Variants in DIS3L2 observed in about 807,000 individuals in gnomAD.
The protein encoded by DIS3L2 is DIS3 like 3'-5' exoribonuclease 2.
Under a neutral mutation model 97.5 loss-of-function variants are expected in DIS3L2, and 34 were observed. The ratio of observed to expected loss-of-function variants is 0.35; its 90% confidence interval spans 0.27 to 0.46. The LOEUF is 0.46. DIS3L2 is among the 20% of genes least tolerant of loss of function. DIS3L2 has a pLI of 1.00. For missense variants in DIS3L2, 1,038 were observed against 1,146.0 expected, an observed-to-expected ratio of 0.91 and a Z score of 1.36; for synonymous variants, 435 against 445.2, an observed-to-expected ratio of 0.98 and a Z score of 0.29.
At chr2:232,303,659 A>G (rs550055755) in intron 14 of DIS3L2, among the ~76,000 whole-genome samples, 33 of 152,286 alleles carry the variant, frequency 2.2e-4, no homozygotes, top group Non-Finnish European at 4.6e-4. Flanking sequence ...CTTTCCTTTC[A>G]AATGGAATGG....
intron 10 of DIS3L2, among the ~76,000 whole-genome samples, chr2:232,221,697 A>G (rs1692512251): frequency 6.6e-6 from 1 of 152,006 alleles, no homozygotes; most frequent in South Asian, 2.1e-4. Context: ...GCTACTCAGG[A>G]GGCTGAGGTG....
At chr2:232,024,463 C>T (rs1426379572) in intron 4 of DIS3L2, 133 bp downstream of exon 4, 1 of 726,524 alleles carries the variant, frequency 1.4e-6, no homozygotes, top group East Asian at 3.0e-5. Flanking sequence ...AGATTTGTTT[C>T]AAATTTAAAT....
At chr2:232,161,779 A>G (rs974932235) in intron 8 of DIS3L2, among the ~76,000 whole-genome samples, 36 of 144,970 alleles carry the variant, frequency 2.5e-4, no homozygotes, top group Admixed American at 1.9e-3. Flanking sequence ...CCCCAGTTCA[A>G]TTTTTTTTTT....
At chr2:232,300,561 G>T (rs1694828040) in intron 14 of DIS3L2, among the ~76,000 whole-genome samples, 1 of 151,818 alleles carries the variant, frequency 6.6e-6, no homozygotes, top group Non-Finnish European at 1.5e-5. Flanking sequence ...AGATTTCCGG[G>T]TACTTACAGA....
At chr2:232,270,872 C>CTCTCTCTCTT (rs1224472015) in intron 13 of DIS3L2, among the ~76,000 whole-genome samples, 1,429 of 91,220 alleles carry the variant, frequency 0.016, 36 homozygotes, top group East Asian at 0.047. Context: ...CTCTCTCTCT[C>CTCTCTCTCTT]TCTCTCTCTC....
intron 14 of DIS3L2, among the ~76,000 whole-genome samples, chr2:232,318,128 A>ACAGAAGC (rs1559209908): frequency 6.6e-6 from 1 of 152,128 alleles, no homozygotes; most frequent in African/African-American, 2.4e-5. Context: ...CCAGGCCTCC[A>ACAGAAGC]CAGAGGCCAG....
chr2:231,975,080 A>G (rs1693042282), intron 1 of DIS3L2, among the ~76,000 whole-genome samples: 1 of 152,154 alleles, frequency 6.6e-6, no homozygotes, highest in Admixed American at 6.6e-5. Context: ...ACACTTTTGA[A>G]CGGCATTCAA....
chr2:232,110,825 A>C (rs1372119675), intron 6 of DIS3L2, among the ~76,000 whole-genome samples: 1 of 152,092 alleles, frequency 6.6e-6, no homozygotes, highest in African/African-American at 2.4e-5. Context: ...AACATGGCAC[A>C]TGTTTACCTG....
At chr2:232,079,492 T>G in intron 5 of DIS3L2, among the ~76,000 whole-genome samples, 1 of 144,370 alleles carries the variant, frequency 6.9e-6, no homozygotes, top group Non-Finnish European at 1.5e-5. Flanking sequence ...CCCAGCTACT[T>G]GGGAGGCTGA....
chr2:232,168,728 G>A (rs1690896323), intron 9 of DIS3L2, among the ~76,000 whole-genome samples: 1 of 152,154 alleles, frequency 6.6e-6, no homozygotes, highest in Non-Finnish European at 1.5e-5. Context: ...AATTCATGTA[G>A]TTATGTAGTG....
At chr2:232,189,580 G>C (rs1360788259) in intron 9 of DIS3L2, among the ~76,000 whole-genome samples, 1 of 152,220 alleles carries the variant, frequency 6.6e-6, no homozygotes, top group Non-Finnish European at 1.5e-5. Flanking sequence ...AAGATTGAGG[G>C]AGGCAGGACA....
chr2:231,976,812 G>A (rs1693110429), intron 1 of DIS3L2, among the ~76,000 whole-genome samples: 1 of 140,324 alleles, frequency 7.1e-6, no homozygotes, highest in African/African-American at 2.7e-5. Flanking sequence ...CTGTTGCCCA[G>A]GCTGGAGTAC....
intron 6 of DIS3L2, among the ~76,000 whole-genome samples, chr2:232,098,355 A>ATTT (rs371321680): frequency 3.8e-4 from 53 of 138,694 alleles, no homozygotes; most frequent in African/African-American, 1.1e-3. Flanking sequence ...GAGGTTTCTA[A>ATTT]TTTTTTTTTT....
intron 6 of DIS3L2, among the ~76,000 whole-genome samples, chr2:232,108,065 C>A (rs1307936379): frequency 2.6e-5 from 4 of 152,108 alleles, no homozygotes; most frequent in African/African-American, 7.2e-5. Flanking sequence ...CAAAACCTGG[C>A]AGAGTTAAAT....
At chr2:232,160,987 G>A (rs180913002) in intron 8 of DIS3L2, among the ~76,000 whole-genome samples, 73 of 152,066 alleles carry the variant, frequency 4.8e-4, no homozygotes, top group Admixed American at 2.6e-3. Flanking sequence ...GCGTGATCTC[G>A]GCTCACCGCA....
intron 12 of DIS3L2, among the ~76,000 whole-genome samples, chr2:232,259,438 TG>T (rs1400535213): frequency 2.0e-5 from 3 of 152,094 alleles, no homozygotes; most frequent in African/African-American, 7.2e-5. Context: ...GGATTCCAAG[TG>T]GCTCCTGGTC....
At chr2:232,104,473 A>G (rs934718213) in intron 6 of DIS3L2, among the ~76,000 whole-genome samples, 5 of 152,312 alleles carry the variant, frequency 3.3e-5, no homozygotes, top group Middle Eastern at 3.4e-3. Context: ...GTACAATTCA[A>G]TGTCATTAAT....
At chr2:232,324,780 G>A (rs910078090) in intron 14 of DIS3L2, among the ~76,000 whole-genome samples, 8 of 152,130 alleles carry the variant, frequency 5.3e-5, no homozygotes, top group Admixed American at 1.3e-4. Flanking sequence ...TTATTTATTC[G>A]AGGCCAGGAA....
At chr2:232,197,797 T>A (rs966828733) in intron 9 of DIS3L2, among the ~76,000 whole-genome samples, 2 of 151,752 alleles carry the variant, frequency 1.3e-5, no homozygotes, top group African/African-American at 4.8e-5. Flanking sequence ...TGAAACCCCG[T>A]CTCTACAAAA....
Sources: allele counts gnomAD v4.1 joint callset (sites outside exome capture counted in the v4.1 genomes callset), GRCh38; gene constraint gnomAD v4.1.1; transcripts MANE v1.5; gene names NCBI Gene and HGNC (gene_info 2026-07-23, HGNC 2026-07-21).